SLC2A13: variants seen among roughly 807,000 people sequenced by gnomAD.
The protein encoded by SLC2A13 is solute carrier family 2 member 13.
In SLC2A13, 32 loss-of-function variants were observed where a neutral mutation model predicts 64.4. That is an observed-to-expected ratio of 0.50 (90% confidence interval 0.37 to 0.67). The LOEUF (loss-of-function observed/expected upper bound fraction) is 0.67. Ranked by LOEUF, SLC2A13 falls within the 30% of genes least tolerant of loss-of-function variation. The probability of loss-of-function intolerance (pLI) is 0.00; values close to 1 mark genes in which losing one functional copy is unlikely to be tolerated. For missense variants in SLC2A13, 743 were observed against 829.2 expected (o/e 0.90, Z 1.28); for synonymous variants, 338 against 327.1 (o/e 1.03, Z -0.36).
At chr12:39,871,297 T>C (rs1944045792) in intron 5 of SLC2A13, among the ~76,000 whole-genome samples, 1 of 152,188 alleles carries the variant, frequency 6.6e-6, no homozygotes, top group South Asian at 2.1e-4. Context: ...CCCTGGAATT[T>C]AGGCCTGTTT....
intron 7 of SLC2A13, among the ~76,000 whole-genome samples, chr12:39,807,338 T>C (rs1368930714): frequency 6.6e-6 from 1 of 152,130 alleles, no homozygotes; most frequent in East Asian, 1.9e-4. Flanking sequence ...TACACACACA[T>C]GCATAAGTAA....
At chr12:39,947,897 T>G (rs972126993) in intron 4 of SLC2A13, among the ~76,000 whole-genome samples, 3 of 152,144 alleles carry the variant, frequency 2.0e-5, no homozygotes, top group Non-Finnish European at 4.4e-5. Context: ...CCTGACTTCA[T>G]GATCTGCCCA....
intron 7 of SLC2A13, among the ~76,000 whole-genome samples, chr12:39,783,340 T>C: frequency 6.6e-6 from 1 of 152,212 alleles, no homozygotes; most frequent in East Asian, 1.9e-4. Context: ...TACGTGTGCA[T>C]GTGTCTTTAT....
In SLC2A13 at chr12:40,037,366, C is replaced by T. The variant is rs1307061825; in HGVS notation, c.717-8857G>A. Among the ~76,000 whole-genome samples, 4 of 152,070 alleles carry T rather than the reference C, an allele frequency of 2.6e-5. No homozygotes were observed. In the East Asian group the frequency reaches 7.7e-4, roughly 29 times the overall value. ...GGGTGCAGTGGCCCACACCTCTAATCTCAGCAATTTGGTAGGCTGCAGTGG... is the reference window on the plus strand; with the variant it reads ...GGGTGCAGTGGCCCACACCTCTAATTTCAGCAATTTGGTAGGCTGCAGTGG... On this transcript the variant is annotated intron_variant, in intron 2 of 9. Transcript: ENST00000280871.
chr12:40,085,955 AC>A (rs1417927485), intron 1 of SLC2A13, among the ~76,000 whole-genome samples: 1 of 151,956 alleles, frequency 6.6e-6, no homozygotes, highest in East Asian at 1.9e-4. Context: ...GCTCACTGCA[AC>A]CTCCACCAAG....
At chr12:40,057,237 A>G (rs1233985051) in intron 1 of SLC2A13, among the ~76,000 whole-genome samples, 1 of 152,208 alleles carries the variant, frequency 6.6e-6, no homozygotes, top group Admixed American at 6.5e-5. Context: ...TATGCTCTCC[A>G]TGAGCAGAAA....
rs1156877525 is a variant in SLC2A13 at position 40,075,739 on chromosome 12, A to G, written c.557-27529T>C. Among the ~76,000 whole-genome samples, 8 of 152,254 alleles carry G rather than the reference A, an allele frequency of 5.3e-5. 1 individual carries two copies. The South Asian group carries it at 8.3e-4, about 16-fold the overall frequency. On this transcript the variant is annotated intron_variant, in intron 1 of 9. Transcript: ENST00000280871. ...GGCATTATGCTGACACAAATGTTAG[A>G]AATCCAAATATTGTCCTACAAGTCC...
At chr12:39,894,502 AG>A (rs1315979353) in intron 4 of SLC2A13, among the ~76,000 whole-genome samples, 1 of 138,756 alleles carries the variant, frequency 7.2e-6, no homozygotes, top group African/African-American at 2.5e-5. Flanking sequence ...TTAGCCTTCA[AG>A]TCTGAAATAA....
At chr12:39,924,429 TC>T (rs1210791824) in intron 4 of SLC2A13, among the ~76,000 whole-genome samples, 4 of 152,172 alleles carry the variant, frequency 2.6e-5, no homozygotes, top group African/African-American at 9.6e-5. Flanking sequence ...GATCATTGTA[TC>T]ATTAGTATAG....
At chr12:39,999,976 C>T (rs954209060) in intron 3 of SLC2A13, among the ~76,000 whole-genome samples, 6 of 152,314 alleles carry the variant, frequency 3.9e-5, no homozygotes, top group Admixed American at 1.3e-4. Context: ...TACTCTTTCT[C>T]TTTATTTCTC....
chr12:39,893,662 A>G (rs570060746), intron 4 of SLC2A13, among the ~76,000 whole-genome samples: 10 of 152,180 alleles, frequency 6.6e-5, no homozygotes, highest in African/African-American at 2.4e-4. Context: ...TAAAAGTTAA[A>G]TTCTAACTAG....
intron 7 of SLC2A13, among the ~76,000 whole-genome samples, chr12:39,778,488 G>A (rs1940857546): frequency 6.6e-6 from 1 of 152,124 alleles, no homozygotes; most frequent in South Asian, 2.1e-4. Context: ...AGACTCATGT[G>A]AGGGCCACTC....
At chr12:39,928,880 C>G (rs1945774528) in intron 4 of SLC2A13, among the ~76,000 whole-genome samples, 1 of 152,076 alleles carries the variant, frequency 6.6e-6, no homozygotes, top group East Asian at 1.9e-4. Context: ...ATTGGAGGTA[C>G]CAAATATCTC....
chr12:39,925,030 ATTTT>A (rs58902176), intron 4 of SLC2A13, among the ~76,000 whole-genome samples: 24,107 of 118,968 alleles, frequency 0.2, 2,673 homozygotes, highest in African/African-American at 0.33. Context: ...CATACAGATA[ATTTT>A]TTTTTTTTTT....
At chr12:39,829,850 A>G in intron 7 of SLC2A13, 1 of 435,576 alleles carries the variant, frequency 2.3e-6, no homozygotes. Flanking sequence ...GCCTAAAACT[A>G]AAGATCCAAA....
In SLC2A13 at chr12:39,801,669, C is replaced by G. The variant is rs970119332; in HGVS notation, c.1445+28434G>C. ...CAGACTTATTTTTCTTTTCCTAGCTCTGCCACTTAACTGGTTTTCTGAATT... is the reference window on the plus strand; with the variant it reads ...CAGACTTATTTTTCTTTTCCTAGCTGTGCCACTTAACTGGTTTTCTGAATT... On this transcript the variant is annotated intron_variant, in intron 7 of 9. Coordinates refer to ENST00000280871, the MANE Select transcript of SLC2A13 (RefSeq NM_052885.4). 2.6e-5 allele frequency among the ~76,000 whole-genome samples: 4 copies of G among 152,346 alleles called. No individual in the cohort carries two copies. The South Asian group carries it at 8.3e-4, about 32-fold the overall frequency.
intron 4 of SLC2A13, among the ~76,000 whole-genome samples, chr12:39,889,396 T>G (rs1944544715): frequency 6.6e-6 from 1 of 152,238 alleles, no homozygotes. Context: ...AGTATAAATA[T>G]AGCCTTATAC....
intron 3 of SLC2A13, among the ~76,000 whole-genome samples, chr12:39,968,100 T>C (rs1042329560): frequency 1.3e-5 from 2 of 152,104 alleles, no homozygotes; most frequent in Admixed American, 6.5e-5. Flanking sequence ...ATACCCGAGA[T>C]TGGGTAATTT....
At chr12:39,783,160 G>C (rs1691068095) in intron 7 of SLC2A13, among the ~76,000 whole-genome samples, 1 of 152,088 alleles carries the variant, frequency 6.6e-6, no homozygotes, top group South Asian at 2.1e-4. Flanking sequence ...TGAGAATGAT[G>C]GTTTCCAGCT....
Sources: allele counts gnomAD v4.1 joint callset (sites outside exome capture counted in the v4.1 genomes callset), GRCh38; gene constraint gnomAD v4.1.1; transcripts MANE v1.5; gene names NCBI Gene and HGNC (gene_info 2026-07-23, HGNC 2026-07-21).